Variants in HELZ2 observed in about 807,000 individuals in gnomAD.
HELZ2 encodes the protein helicase with zinc finger 2.
Under a neutral mutation model 208.8 loss-of-function variants are expected in HELZ2, and 143 were observed. That is an observed-to-expected ratio of 0.68 (90% CI 0.60 to 0.79). The LOEUF (loss-of-function observed/expected upper bound fraction) is 0.79. Ranked by LOEUF, HELZ2 falls within the 30% of genes least tolerant of loss-of-function variation. The pLI, the probability that HELZ2 is intolerant of heterozygous loss-of-function variation, is 0.00. For synonymous variants in HELZ2, 1,705 were observed against 1,693.7 expected (o/e 1.01, Z -0.16); for missense variants, 3,690 against 3,794.5 (o/e 0.97, Z 0.72).
chr20:63,564,810 G>A (rs767271876), exon 8 of HELZ2: 11 of 1,610,164 alleles, frequency 6.8e-6, no homozygotes, highest in Non-Finnish European at 7.6e-6. Flanking sequence ...AAGAAGGCGC[G>A]GCAGTCCTCT....
At position 63,567,641 on chromosome 20, in the gene HELZ2, A is replaced by C. The variant is rs1600981359; in HGVS notation, c.1731-14T>G. On this transcript the variant is annotated splice_polypyrimidine_tract_variant and intron_variant, in intron 5 of 18. Coordinates refer to ENST00000467148, the Ensembl canonical transcript of HELZ2. ...ATGTCGGCGGCACTGCGGGAGGGGG[A>C]GGAGCTCATGGGCTTCTTGCTGGGG... 6.3e-7 allele frequency: 1 copy of C among 1,595,398 alleles called. No individual in the cohort carries two copies. Among genetic ancestry groups the C allele is most frequent in the African/African-American group, 1.3e-5 (1 of 74,710 alleles).
At chr20:63,562,190 C>A (rs1198585751) in exon 10 of HELZ2, 1 of 1,612,170 alleles carries the variant, frequency 6.2e-7, no homozygotes, top group East Asian at 2.2e-5. Flanking sequence ...GCTCCAGGAA[C>A]CTGCTGGGGA....
chr20:63,559,648 G>A (rs1250286520), intron 18 of HELZ2, among the ~76,000 whole-genome samples: 3 of 87,612 alleles, frequency 3.4e-5, no homozygotes, highest in Admixed American at 9.6e-5. Context: ...GAGGAGTCAG[G>A]GTCAGGTGGG....
chr20:63,572,871 G>C (rs1009050559), upstream of HELZ2: 7 of 156,370 alleles, frequency 4.5e-5, no homozygotes, highest in East Asian at 1.3e-3. Flanking sequence ...TGGTAGCACA[G>C]GGGCCTTGGG....
chr20:63,570,568 G>C, exon 3 of HELZ2: 1 of 1,613,332 alleles, frequency 6.2e-7, no homozygotes, highest in Non-Finnish European at 8.5e-7. Context: ...GTACATCAGG[G>C]GCTGGTTGCA....
In HELZ2 at chr20:63,565,581, C is replaced by A; in HGVS notation, c.3241G>T (p.Glu1081Ter). The change falls in exon 8 of 19, where the codon GAG becomes TAG. Residue 1081 changes from glutamate (E) to a stop codon, truncating the protein, a stop_gained. Coordinates refer to ENST00000467148, the Ensembl canonical transcript of HELZ2. LOFTEE classifies it high-confidence loss of function. ...ACGGTCACCATCACCTTCTGGCTCT[C>A]GTCCAGAAGCTCCCGTAGGATGGCG... 2 of 1,609,106 alleles carry A rather than the reference C, an allele frequency of 1.2e-6. No homozygotes were observed. Among genetic ancestry groups the A allele is most frequent in the Middle Eastern group, 3.3e-4 (2 of 6,062 alleles).
exon 8 of HELZ2, chr20:63,562,537 G>A (rs1183909049): frequency 1.3e-6 from 2 of 1,586,372 alleles, no homozygotes; most frequent in Non-Finnish European, 1.7e-6. Flanking sequence ...GAAGCTGCTT[G>A]GGCAGCAGCT....
exon 8 of HELZ2, chr20:63,563,169 C>G: frequency 6.3e-7 from 1 of 1,592,744 alleles, no homozygotes; most frequent in Middle Eastern, 1.7e-4. Context: ...CCGAGCTGCA[C>G]CTGCAGGGTG....
chr20:63,568,222 G>C, intron 5 of HELZ2, 136 bp downstream of exon 6: 1 of 733,112 alleles, frequency 1.4e-6, no homozygotes, highest in Non-Finnish European at 2.3e-6. Context: ...GCCTGATAAA[G>C]CCAAAGCCCA....
chr20:63,563,080 C>T, exon 8 of HELZ2: 1 of 1,598,932 alleles, frequency 6.3e-7, no homozygotes. Flanking sequence ...GCTCCACGTG[C>T]TCCAGGCAGA....
At chr20:63,569,063 C>T in intron 4 of HELZ2, 64 bp from the exon 6 acceptor site, 1 of 1,590,376 alleles carries the variant, frequency 6.3e-7, no homozygotes, top group Non-Finnish European at 8.5e-7. Context: ...CAAGTCCACG[C>T]CCCCATCCGC....
exon 11 of HELZ2, chr20:63,561,853 G>C: frequency 1.9e-6 from 3 of 1,565,444 alleles, no homozygotes; most frequent in Non-Finnish European, 2.6e-6. Context: ...TTGTTGGAGG[G>C]GCCGCAGTAC....
chr20:63,565,312 A>T, exon 8 of HELZ2: 1 of 1,606,362 alleles, frequency 6.2e-7, no homozygotes, highest in Non-Finnish European at 8.5e-7. Context: ...CCAGCACCTC[A>T]TCCCCGGCGA....
chr20:63,568,491 C>T (rs779218612), exon 5 of HELZ2: 1 of 1,586,168 alleles, frequency 6.3e-7, no homozygotes, highest in African/African-American at 1.3e-5. Context: ...CGCCTCCCAT[C>T]CCCAGGGCCC....
rs1048641880 is a variant in HELZ2, at chr20:63,565,709, G to T, written c.3113C>A (p.Ala1038Asp). Residue 1038 changes from alanine to aspartate, a missense_variant, in exon 8 of 19, where the codon GCC becomes GAC. Physicochemically the swap from Ala to Asp is moderately radical, Grantham distance 126. Transcript: ENST00000467148. ...TGCAGCAGCCGCTCCTGCCGCACAG[G>T]CCCCGGGCACCACGTCTTCCTTCAC... 1.1e-5 allele frequency: 18 copies of T among 1,607,246 alleles called. No individual in the cohort carries two copies. The Admixed American group carries it at 1.3e-4, about 12-fold the overall frequency.
chr20:63,563,707 C>A (rs759894727), exon 8 of HELZ2: 13 of 1,588,452 alleles, frequency 8.2e-6, no homozygotes, highest in Non-Finnish European at 9.4e-6. Context: ...CCTGGCAGAG[C>A]CCATCGATGT....
exon 5 of HELZ2, chr20:63,568,596 A>C: frequency 6.3e-7 from 1 of 1,596,738 alleles, no homozygotes. Flanking sequence ...CAGGTGGGCA[A>C]GTCGGGCACC....
chr20:63,561,674 G>C (rs1401124851), exon 12 of HELZ2: 2 of 1,612,480 alleles, frequency 1.2e-6, no homozygotes, highest in Non-Finnish European at 1.7e-6. Flanking sequence ...CGCGGCACTG[G>C]GAACTCGCTG....
At chr20:63,564,422 T>C in exon 8 of HELZ2, 2 of 1,548,780 alleles carry the variant, frequency 1.3e-6, no homozygotes, top group Non-Finnish European at 1.7e-6. Context: ...ACCCGGGTGC[T>C]GCCTGATCAC....
Sources: allele counts gnomAD v4.1 joint callset (sites outside exome capture counted in the v4.1 genomes callset), GRCh38; gene constraint gnomAD v4.1.1; transcripts MANE v1.5; gene names NCBI Gene and HGNC (gene_info 2026-07-23, HGNC 2026-07-21).